The following WDR73 variants were observed in gnomAD, a reference collection of about 807,000 sequenced individuals.
WDR73 encodes integrator complex assembly factor WDR73.
A neutral mutation model predicts 38.2 loss-of-function variants in WDR73; 30 were observed. The ratio of observed to expected loss-of-function variants is 0.79; its 90% CI spans 0.59 to 1.06. WDR73 has a LOEUF of 1.06. WDR73 is among the 50% of genes least tolerant of loss of function. The pLI, the probability that WDR73 is intolerant of heterozygous loss-of-function variation, is 0.00. For synonymous variants in WDR73, 197 were observed against 176.0 expected (o/e 1.12, Z -0.94); for missense variants, 487 against 467.0 (o/e 1.04, Z -0.40).
chr15:84,647,772 C>T (rs1181784949), intron 5 of WDR73, 118 bp downstream of exon 5: 3 of 988,296 alleles, frequency 3.0e-6, no homozygotes, highest in Admixed American at 1.9e-5. Flanking sequence ...GCTACAATTA[C>T]AGGCATGAGA....
chr15:84,647,921 A>G lies in WDR73; in HGVS notation c.321T>C (p.Tyr107=). Residue 107 remains tyrosine, a synonymous_variant, in exon 5 of 8, where the codon TAT becomes TAC. Coordinates refer to ENST00000434634, the MANE Select transcript of WDR73 (RefSeq NM_032856.5). ...LLVTSGLPGC[Y]LQVWQVAEDS... is the part of the protein sequence containing the mutation. ...CCTCTGCAACCTGCCACACCTGCAG[A>G]TAACAACCTGGAAGGCCACTGGTAA... 1.9e-6 allele frequency: 3 copies of G among 1,614,050 alleles called. No individual in the cohort carries two copies. Among genetic ancestry groups the G allele is most frequent in the Non-Finnish European group, 2.5e-6 (3 of 1,179,890 alleles).
intron 7 of WDR73, chr15:84,644,862 C>CCA (rs1896394242): frequency 6.5e-6 from 1 of 154,336 alleles, no homozygotes; most frequent in South Asian, 2.0e-4. Context: ...TAGGTGTGAG[C>CCA]CACCGCACCC....
intron 3 of WDR73, among the ~76,000 whole-genome samples, chr15:84,651,633 AG>A (rs889012888): frequency 3.3e-5 from 5 of 152,108 alleles, no homozygotes; most frequent in African/African-American, 4.8e-5. Context: ...TCCCTCTTCA[AG>A]GGTTACTTTC....
At chr15:84,649,728 C>T (rs2141842401) in intron 3 of WDR73, among the ~76,000 whole-genome samples, 1 of 152,224 alleles carries the variant, frequency 6.6e-6, no homozygotes, top group African/African-American at 2.4e-5. Context: ...CCTCAGCCTC[C>T]CAAAGTGCTG....
Position 84,645,141 on chromosome 15 carries a change from G to A in WDR73, c.883+330C>T, listed in dbSNP as rs141060203. The A allele has an allele frequency of 1.2e-3, 1,325 of 1,098,450 alleles. 10 individuals are homozygous for A. The African/African-American group carries it at 0.019, about 16-fold the overall frequency. The allele number at this position is 1,098,450 out of a possible 1,614,324, so 68.0% of individuals were successfully genotyped here. ...AATTTTTTGTATTTTTAGTAGGGAC[G>A]GGGTTTCACCGTGTTAGCCACTGTC... is the stretch of plus-strand genomic sequence containing the variant. On this transcript the variant is annotated intron_variant, in intron 7 of 7. Transcript: ENST00000434634.
At chr15:84,649,430 T>C (rs1452599607) in intron 3 of WDR73, among the ~76,000 whole-genome samples, 1 of 151,824 alleles carries the variant, frequency 6.6e-6, no homozygotes, top group Non-Finnish European at 1.5e-5. Flanking sequence ...ATAGCTTCTG[T>C]AGCCTCTGGG....
At chr15:84,650,519 C>A (rs1006113816) in intron 3 of WDR73, among the ~76,000 whole-genome samples, 1 of 152,180 alleles carries the variant, frequency 6.6e-6, no homozygotes, top group South Asian at 2.1e-4. Context: ...TGCCACCACA[C>A]CCGGCTAATT....
At position 84,646,269 on chromosome 15, in the gene WDR73, T is replaced by C; in HGVS notation, c.432A>G (p.Thr144=). 6.2e-7 allele frequency: 1 copy of C among 1,613,868 alleles called. No individual in the cohort carries two copies. Among genetic ancestry groups the C allele is most frequent in the Non-Finnish European group, 8.5e-7 (1 of 1,179,868 alleles). Residue 144 remains threonine, a synonymous_variant, in exon 6 of 8, where the codon ACA becomes ACG. Coordinates refer to ENST00000434634, the MANE Select transcript of WDR73 (RefSeq NM_032856.5). ...SLWPRVAVFS[T]LAPGVLHGAR... is the part of the protein sequence containing the mutation. Reference sequence around the variant, plus strand: ...CCCCATGGAGGACTCCGGGTGCCAATGTGGAGAAGACGGCCACCCTAGGCC... The same window carrying C: ...CCCCATGGAGGACTCCGGGTGCCAACGTGGAGAAGACGGCCACCCTAGGCC...
rs1384212455 is a variant in WDR73, at chr15:84,645,620, C to T, written c.734G>A (p.Gly245Asp). Residue 245 changes from glycine to aspartate, a missense_variant, in exon 7 of 8, where the codon GGC (glycine) becomes GAC (aspartate). Gly to Asp is a moderately conservative substitution (Grantham distance 94). Coordinates refer to ENST00000434634, the MANE Select transcript of WDR73 (RefSeq NM_032856.5). Reference sequence around the variant, plus strand: ...AAGAAGACAAAGACGCCCATCTGAGCCAAGGCTGGCAATGCTGGGCCCAGG... The same window carrying T: ...AAGAAGACAAAGACGCCCATCTGAGTCAAGGCTGGCAATGCTGGGCCCAGG... ...QGPGPSIASL[G>D]SDGRLCLLDP... 6.2e-7 allele frequency: 1 copy of T among 1,609,122 alleles called. No individual in the cohort carries two copies. Among genetic ancestry groups the T allele is most frequent in the Non-Finnish European group, 8.5e-7 (1 of 1,177,906 alleles).
At chr15:84,644,452 T>C (rs905867960) in intron 7 of WDR73, 2 of 152,188 alleles carry the variant, frequency 1.3e-5, no homozygotes, top group Admixed American at 1.3e-4. Flanking sequence ...AATGATTTTT[T>C]TCAACCCCCA....
Position 84,642,913 on chromosome 15 carries a change from C to T in WDR73, c.*557G>A, listed in dbSNP as rs2141832261. ...ACCATGTCCAGCACACTTTAATATT[C>T]ACTATGGGCCCTCAAAAGGAAATGT... On this transcript the variant is annotated 3_prime_UTR_variant, in exon 8 of 8. Transcript: ENST00000434634. 6.4e-6 allele frequency: 1 copy of T among 155,832 alleles called. No individual in the cohort carries two copies. Among genetic ancestry groups the T allele is most frequent in the East Asian group, 1.9e-4 (1 of 5,220 alleles). 9.7% of individuals were successfully genotyped at this position (155,832 alleles called of 1,614,324 possible).
intron 3 of WDR73, among the ~76,000 whole-genome samples, chr15:84,651,756 G>C (rs1052633024): frequency 1.3e-5 from 2 of 152,134 alleles, no homozygotes; most frequent in African/African-American, 4.8e-5. Context: ...TCGTGACTCT[G>C]CTTCCTCTTC....
At chr15:84,643,839 ACTC>A in intron 7 of WDR73, 116 bp from the exon 8 acceptor site, 1 of 1,243,448 alleles carries the variant, frequency 8.0e-7, no homozygotes, top group South Asian at 1.7e-5. Context: ...ATGGTCTTGA[ACTC>A]CTAGCCTCAA....
chr15:84,640,896 G>A lies in WDR73; in HGVS notation c.*2574C>T, dbSNP rs1896238314. On this transcript the variant is annotated 3_prime_UTR_variant, in exon 8 of 8. Transcript: ENST00000434634. The stretch of plus-strand genomic sequence containing the variant: ...TTCTACCTCCCTGGGCTGTTATGAG[G>A]ATCCTGACACAGTATTAGCACTTGG... The A allele has an allele frequency of 6.6e-6, 1 of 152,098 alleles. No homozygotes were observed. Among genetic ancestry groups the A allele is most frequent in the African/African-American group, 2.4e-5 (1 of 41,396 alleles). 9.4% of individuals were successfully genotyped at this position (152,098 alleles called of 1,614,324 possible). A position where few individuals can be genotyped will look rare whatever the true frequency, so the allele number is the denominator to read the frequency against.
At chr15:84,653,839 C>T (rs1567026020) in intron 1 of WDR73, 140 bp from the exon 2 acceptor site, 1 of 715,414 alleles carries the variant, frequency 1.4e-6, no homozygotes. Context: ...CATTTTACTC[C>T]CTGTTTCTGG....
At chr15:84,644,531 C>A (rs1161965696) in intron 7 of WDR73, 1 of 151,764 alleles carries the variant, frequency 6.6e-6, no homozygotes, top group Admixed American at 6.6e-5. Flanking sequence ...AACTAGCTAC[C>A]ACCAGACCAG....
rs965250276 is a variant in WDR73 at position 84,643,185 on chromosome 15, T to G, written c.*285A>C. On this transcript the variant is annotated 3_prime_UTR_variant, in exon 8 of 8. Transcript: ENST00000434634. ...TCTTTTGATTCTCCCTATGATAGTG[T>G]GAAGACAGGGACAAAACGCTACCAT... is the stretch of plus-strand genomic sequence containing the variant. The G allele has an allele frequency of 4.6e-6, 2 of 436,696 alleles. No individual in the cohort carries two copies. The highest frequency in any genetic ancestry group is 3.9e-5 in the Admixed American group (1 of 25,928). 27.1% of individuals were successfully genotyped at this position (436,696 alleles called of 1,614,324 possible).
Position 84,654,122 on chromosome 15 carries a change from C to G in WDR73, c.41+112G>C. Reference sequence around the variant, plus strand: ...TCCTCCACGGTGGCGAGCCCCGAGGCCACAGCTGGCCCACTCTGCACCAGG... The same window carrying G: ...TCCTCCACGGTGGCGAGCCCCGAGGGCACAGCTGGCCCACTCTGCACCAGG... On this transcript the variant is annotated intron_variant, in intron 1 of 7. Transcript: ENST00000434634. 12 of 1,442,236 alleles carry G rather than the reference C, an allele frequency of 8.3e-6. No homozygotes were observed. In the South Asian group the frequency reaches 1.3e-4, roughly 15 times the overall value. 89.3% of individuals were successfully genotyped at this position (1,442,236 alleles called of 1,614,324 possible). A position where few individuals can be genotyped will look rare whatever the true frequency, so the allele number is the denominator to read the frequency against.
rs1896189373 is a variant in WDR73 at position 84,639,377 on chromosome 15, T to C, written c.*4093A>G. The C allele has an allele frequency of 6.6e-6, 1 of 152,038 alleles. No individual in the cohort carries two copies. The highest frequency in any genetic ancestry group is 2.4e-5 in the African/African-American group (1 of 41,372). 9.4% of individuals were successfully genotyped at this position (152,038 alleles called of 1,614,324 possible). A position where few individuals can be genotyped will look rare whatever the true frequency, so the allele number is the denominator to read the frequency against. On this transcript the variant is annotated 3_prime_UTR_variant, in exon 8 of 8. Transcript: ENST00000434634. ...GAATTTTTTTTTCTAGTTGTTCTTT[T>C]CACTGAGCTTTCCCAAGAATCCCCC...
Sources: gnomAD v4.1 joint callset for allele counts (sites outside exome capture counted in the v4.1 genomes callset) on GRCh38, gnomAD v4.1.1 for gene constraint, MANE v1.5 for transcripts, NCBI Gene and HGNC (gene_info 2026-07-23, HGNC 2026-07-21) for gene names.